The following GPR173 variants were observed in gnomAD, a reference collection of about 807,000 sequenced individuals.
The protein encoded by GPR173 is probable G protein-coupled receptor 173.
Under a neutral mutation model 13.9 loss-of-function variants are expected in GPR173, and 2 were observed. The ratio of observed to expected loss-of-function variants is 0.14; its 90% CI spans 0.06 to 0.45. GPR173 has a LOEUF of 0.45. GPR173 is among the 20% of genes least tolerant of loss of function. The pLI, the probability that GPR173 is intolerant of heterozygous loss-of-function variation, is 0.98. For synonymous variants in GPR173, 131 were observed against 141.0 expected, an observed-to-expected ratio of 0.93 and a Z score of 0.50; for missense variants, 202 against 340.5, an observed-to-expected ratio of 0.59 and a Z score of 3.20.
chrX:53,060,308 A>T (rs1257956854), intron 1 of GPR173, among the ~76,000 whole-genome samples: 1 of 109,703 alleles, frequency 9.1e-6, no homozygotes, highest in Non-Finnish European at 1.9e-5. Context: ...GGCCGGTCGC[A>T]GTGGCTCATG....
intron 1 of GPR173, among the ~76,000 whole-genome samples, chrX:53,057,987 G>A (rs1240573710): frequency 4.5e-5 from 5 of 112,083 alleles, no homozygotes; most frequent in Admixed American, 9.5e-5. Context: ...GTATCTATAC[G>A]TCTGTGTGAC....
At chrX:53,058,545 T>C (rs782420717) in intron 1 of GPR173, among the ~76,000 whole-genome samples, 8 of 111,145 alleles carry the variant, frequency 7.2e-5, no homozygotes, top group Non-Finnish European at 1.1e-4. Context: ...TGAGTCTGCA[T>C]TGCTCTACAT....
At chrX:53,057,615 G>A (rs186097509) in intron 1 of GPR173, among the ~76,000 whole-genome samples, 1 of 102,540 alleles carries the variant, frequency 9.8e-6, no homozygotes, top group African/African-American at 3.6e-5. Context: ...TTAGCCAGGC[G>A]TGGTGGCGCA....
At chrX:53,068,618 A>T (rs1327207189) in intron 1 of GPR173, among the ~76,000 whole-genome samples, 2 of 108,727 alleles carry the variant, frequency 1.8e-5, no homozygotes, top group Non-Finnish European at 3.8e-5. Context: ...TCTACCAAAA[A>T]AAAACCTTAA....
chrX:53,079,058 A>G lies in GPR173; in HGVS notation c.*1315A>G, dbSNP rs1462365894. ...AGGAGGGAGATCCAAGCCTCCTCCC[A>G]GGGGTGGAGTCCACTCTGGGCTTAC... On this transcript the variant is annotated 3_prime_UTR_variant, in exon 2 of 2. Coordinates refer to ENST00000332582, the MANE Select transcript of GPR173 (RefSeq NM_018969.6). The G allele has an allele frequency of 4.9e-5, 6 of 122,640 alleles. No individual in the cohort carries two copies. Among genetic ancestry groups the G allele is most frequent in the Non-Finnish European group, 1.1e-4 (6 of 53,064 alleles). 10.1% of individuals were successfully genotyped at this position (122,640 alleles called of 1,213,427 possible).
Position 53,077,937 on chromosome X carries a change from A to G in GPR173, c.*194A>G. 2.3e-6 allele frequency: 1 copy of G among 429,150 alleles called. No homozygotes were observed. Among genetic ancestry groups the G allele is most frequent in the East Asian group, 3.8e-5 (1 of 26,226 alleles). The allele number at this position is 429,150 out of a possible 1,213,427, so 35.4% of individuals were successfully genotyped here. A position where few individuals can be genotyped will look rare whatever the true frequency, so the allele number is the denominator to read the frequency against. On this transcript the variant is annotated 3_prime_UTR_variant, in exon 2 of 2. Coordinates refer to ENST00000332582, the MANE Select transcript of GPR173 (RefSeq NM_018969.6). ...AGGACTGGGCGAGGGACTGGGAAAG[A>G]GGCATATTTAGTTTTGTGGGGCCTG...
Position 53,060,647 on chromosome X carries a change from A to G in GPR173, c.-98+11163A>G, listed in dbSNP as rs782594866. On this transcript the variant is annotated intron_variant, in intron 1 of 1. Coordinates refer to ENST00000332582, the MANE Select transcript of GPR173 (RefSeq NM_018969.6). ...GGATTAATTATTAACAAAAAGTTAG[A>G]AATTTCTTGTTGGGGCACCCCTACA... Among the ~76,000 whole-genome samples the G allele has an allele frequency of 4.6e-5, 5 of 107,868 alleles. No homozygotes were observed. In the East Asian group the frequency reaches 1.5e-3, roughly 32 times the overall value. The allele number at this position is 107,868 out of a possible 115,157, so 93.7% of individuals were successfully genotyped here.
chrX:53,077,608 C>T lies in GPR173; in HGVS notation c.987C>T (p.Ser329=), dbSNP rs1251080774. The change falls in exon 2 of 2, where the codon AGC becomes AGT. Residue 329 remains serine, a synonymous_variant. Coordinates refer to ENST00000332582, the MANE Select transcript of GPR173 (RefSeq NM_018969.6). ...ACCTGGCCACTGCTGTTTGGATGAG[C>T]TTCGCCCAGGCTGCCGTCAACCCAA... ...HRYLATAVWM[S]FAQAAVNPIV... 16 of 1,210,516 alleles carry T rather than the reference C, an allele frequency of 1.3e-5. No homozygotes were observed. The highest frequency in any genetic ancestry group is 2.2e-5 in the Admixed American group (1 of 45,947).
chrX:53,065,180 T>C (rs782667763), intron 1 of GPR173: 3 of 112,271 alleles, frequency 2.7e-5, no homozygotes, highest in Non-Finnish European at 5.6e-5. Flanking sequence ...TTGACACAGA[T>C]ATAAACTTCT....
At chrX:53,069,508 C>G (rs782359827) in intron 1 of GPR173, among the ~76,000 whole-genome samples, 1 of 111,972 alleles carries the variant, frequency 8.9e-6, no homozygotes, top group Admixed American at 9.5e-5. Flanking sequence ...CAGCTCTGCT[C>G]GTTTGTCCAC....
intron 1 of GPR173, among the ~76,000 whole-genome samples, chrX:53,061,005 G>A (rs782157581): frequency 2.8e-5 from 3 of 107,210 alleles, no homozygotes; most frequent in Non-Finnish European, 5.8e-5. Context: ...TTGTACATCA[G>A]GTCAGGAGAT....
rs868945068 is a variant in GPR173 at position 53,074,385 on chromosome X, A to G, written c.-97-2140A>G. Among the ~76,000 whole-genome samples the G allele has an allele frequency of 5.9e-5, 2 of 34,144 alleles. 1 individual carries two copies. Among genetic ancestry groups the G allele is most frequent in the East Asian group, 1.6e-3 (2 of 1,270 alleles). The allele number at this position is 34,144 out of a possible 115,157, so 29.6% of individuals were successfully genotyped here. ...ATATTTATTTATAAATAAATATATA[A>G]ATATATATAAATATATATTTATATT... On this transcript the variant is annotated intron_variant, in intron 1 of 1. Coordinates refer to ENST00000332582, the MANE Select transcript of GPR173 (RefSeq NM_018969.6).
At chrX:53,054,233 G>A (rs1415197428) in intron 1 of GPR173, among the ~76,000 whole-genome samples, 1 of 110,780 alleles carries the variant, frequency 9.0e-6, no homozygotes, top group African/African-American at 3.3e-5. Context: ...AGCATGGGCC[G>A]GGTGCGGTGG....
At chrX:53,067,837 A>AG (rs1406138929) in intron 1 of GPR173, among the ~76,000 whole-genome samples, 4 of 110,518 alleles carry the variant, frequency 3.6e-5, no homozygotes, top group East Asian at 2.8e-4. Context: ...AAAAAAAAAA[A>AG]AAAGAAAGCA....
chrX:53,073,567 G>T (rs1260563324), intron 1 of GPR173, among the ~76,000 whole-genome samples: 1 of 107,706 alleles, frequency 9.3e-6, no homozygotes, highest in East Asian at 2.9e-4. Flanking sequence ...TGTCTCCAGG[G>T]CACCCTCTCT....
At chrX:53,068,939 C>T (rs1025993491) in intron 1 of GPR173, among the ~76,000 whole-genome samples, 111 of 98,008 alleles carry the variant, frequency 1.1e-3, no homozygotes, top group African/African-American at 4.0e-3. Context: ...GGTGACTGAG[C>T]GAGACCTTGT....
At chrX:53,065,829 G>A (rs1556804169) in intron 1 of GPR173, among the ~76,000 whole-genome samples, 1 of 112,024 alleles carries the variant, frequency 8.9e-6, no homozygotes, top group African/African-American at 3.2e-5. Context: ...GCCAGGTGCG[G>A]TGGCTCATGC....
chrX:53,071,635 TCAGAAGGACACC>T (rs782327245), intron 1 of GPR173, among the ~76,000 whole-genome samples: 1 of 111,921 alleles, frequency 8.9e-6, no homozygotes, highest in East Asian at 2.8e-4. Context: ...CTCCTAAATG[TCAGAAGGACACC>T]CTACACCCCA....
chrX:53,055,485 G>A (rs1299716165), intron 1 of GPR173, among the ~76,000 whole-genome samples: 5 of 110,467 alleles, frequency 4.5e-5, no homozygotes, highest in Non-Finnish European at 1.9e-5. Context: ...TTGTATCTGG[G>A]TGGAGAGTGC....
Sources: gnomAD v4.1 joint callset for allele counts (sites outside exome capture counted in the v4.1 genomes callset) on GRCh38, gnomAD v4.1.1 for gene constraint, MANE v1.5 for transcripts, NCBI Gene and HGNC (gene_info 2026-07-23, HGNC 2026-07-21) for gene names.